ZNF605: variants seen among roughly 807,000 people sequenced by gnomAD.
ZNF605 encodes the protein zinc finger protein 605.
A neutral mutation model predicts 7.9 loss-of-function variants in ZNF605; 9 were observed. The ratio of observed to expected loss-of-function variants is 1.14; its 90% confidence interval spans 0.68 to 1.98. The LOEUF (loss-of-function observed/expected upper bound fraction) is 1.98. Ranked by LOEUF, ZNF605 falls within the 30% of genes most tolerant of loss-of-function variation. The pLI is 0.00. For synonymous variants in ZNF605, 255 were observed against 260.1 expected, an observed-to-expected ratio of 0.98 and a Z score of 0.19; for missense variants, 673 against 762.4, an observed-to-expected ratio of 0.88 and a Z score of 1.38.
chr12:132,939,102 C>T (rs1952402896), intron 3 of ZNF605, among the ~76,000 whole-genome samples: 3 of 151,980 alleles, frequency 2.0e-5, no homozygotes, highest in East Asian at 3.9e-4. Flanking sequence ...TCCACGGCGC[C>T]CAGTCCCATC....
At chr12:132,952,975 C>T (rs1381045233) in intron 1 of ZNF605, among the ~76,000 whole-genome samples, 1 of 152,082 alleles carries the variant, frequency 6.6e-6, no homozygotes, top group Non-Finnish European at 1.5e-5. Flanking sequence ...CACACACACC[C>T]CAGACACAAA....
At position 132,945,768 on chromosome 12, in the gene ZNF605, ATGAAT is replaced by A; in HGVS notation, c.-138_-134del. 1 of 1,312,656 alleles carries A rather than the reference ATGAAT, an allele frequency of 7.6e-7. No individual in the cohort carries two copies. Among genetic ancestry groups the A allele is most frequent in the Non-Finnish European group, 1.1e-6 (1 of 906,866 alleles). 81.3% of individuals were successfully genotyped at this position (1,312,656 alleles called of 1,614,324 possible). A position where few individuals can be genotyped will look rare whatever the true frequency, so the allele number is the denominator to read the frequency against. On this transcript the variant is annotated 5_prime_UTR_variant, in exon 3 of 5. The change creates a new upstream start codon in the 5' untranslated region. Transcript: ENST00000360187. ...TGTGGGCTCTTCTTTCTTATCTCAC[ATGAAT>A]TGTCTTGTTCCAGAGGGCTATTGCC...
chr12:132,955,835 GCC>G (rs1952631084), intron 1 of ZNF605, among the ~76,000 whole-genome samples: 3 of 151,900 alleles, frequency 2.0e-5, no homozygotes, highest in African/African-American at 7.2e-5. Flanking sequence ...CCTCCCAGGG[GCC>G]CCTCTCCCCT....
Position 132,926,889 on chromosome 12 carries a change from T to C in ZNF605, c.410A>G (p.His137Arg), listed in dbSNP as rs1314777352. 1.8e-5 allele frequency: 29 copies of C among 1,614,092 alleles called. No homozygotes were observed. The highest frequency in any genetic ancestry group is 4.4e-5 in the South Asian group (4 of 91,084). ...GCAATCACAGTATTTTATCCCACCA[T>C]GGGTTCTGCCAGGTTTGATACAGAA... is the stretch of plus-strand genomic sequence containing the variant. Reference protein sequence around the residue: ...LLFCIKPGRTHGGIKYCDCST... With the variant: ...LLFCIKPGRTRGGIKYCDCST... The change falls in exon 5 of 5, where the codon CAT becomes CGT. Residue 137 changes from histidine (H) to arginine (R), a missense_variant. Coordinates refer to ENST00000360187, the MANE Select transcript of ZNF605 (RefSeq NM_183238.4).
At chr12:132,939,262 T>C (rs1952405734) in intron 3 of ZNF605, among the ~76,000 whole-genome samples, 2 of 152,290 alleles carry the variant, frequency 1.3e-5, no homozygotes, top group South Asian at 2.1e-4. Flanking sequence ...AGCTCAGGGA[T>C]TGTAAATACA....
In ZNF605 at chr12:132,940,453, C is replaced by T. The variant is rs376079776; in HGVS notation, c.15+5168G>A. On this transcript the variant is annotated intron_variant, in intron 3 of 4. Coordinates refer to ENST00000360187, the MANE Select transcript of ZNF605 (RefSeq NM_183238.4). ...TGGAGGAAAACTGCCCTCCCCACAACGGACGTGGTGTACAGCCAACGTACT... is the reference window on the plus strand; with the variant it reads ...TGGAGGAAAACTGCCCTCCCCACAATGGACGTGGTGTACAGCCAACGTACT... Among the ~76,000 whole-genome samples the T allele has an allele frequency of 1.8e-4, 27 of 152,290 alleles. No individual in the cohort carries two copies. The East Asian group carries it at 4.1e-3, about 23-fold the overall frequency.
In ZNF605 at chr12:132,926,523, C is replaced by T. The variant is rs1311137497; in HGVS notation, c.776G>A (p.Gly259Glu). Residue 259 changes from glycine (G) to glutamate (E), a missense_variant, in exon 5 of 5, where the codon GGA becomes GAA. Coordinates refer to ENST00000360187, the MANE Select transcript of ZNF605 (RefSeq NM_183238.4). ...CTGCGACTTCCTACTGAAGGCTTTT[C>T]CACATTCACTGCATCCATACGGCTT... ...GEKPYGCSEC[G>E]KAFSRKSQLK... 2.5e-6 allele frequency: 4 copies of T among 1,614,192 alleles called. No individual in the cohort carries two copies. The African/African-American group carries it at 5.3e-5, about 22-fold the overall frequency.
In ZNF605 at chr12:132,931,944, GT is replaced by G. The variant is rs1431103390; in HGVS notation, c.136+1090del. 2.6e-5 allele frequency among the ~76,000 whole-genome samples: 4 copies of G among 152,230 alleles called. No individual in the cohort carries two copies. In the East Asian group the frequency reaches 7.7e-4, roughly 29 times the overall value. ...AGGTATTAGGGTTTTGTGTGTGTGT[GT>G]TTTTGTTTTTAGAGACAGGGTCTCA... On this transcript the variant is annotated intron_variant, in intron 4 of 4. Transcript: ENST00000360187.
chr12:132,946,561 A>G (rs1308557644), intron 2 of ZNF605, among the ~76,000 whole-genome samples: 1 of 152,234 alleles, frequency 6.6e-6, no homozygotes, highest in African/African-American at 2.4e-5. Flanking sequence ...GTAACAGCCC[A>G]GCTGCCGGTT....
At chr12:132,944,959 A>C in intron 3 of ZNF605, 2 of 163,650 alleles carry the variant, frequency 1.2e-5, no homozygotes, top group African/African-American at 2.4e-5. Flanking sequence ...GTAACAGGGA[A>C]GGATCCCATT....
At chr12:132,951,606 TACAC>T (rs1189575323) in intron 1 of ZNF605, among the ~76,000 whole-genome samples, 5 of 137,910 alleles carry the variant, frequency 3.6e-5, no homozygotes, top group African/African-American at 1.3e-4. Flanking sequence ...CAGACACAGA[TACAC>T]ACGTTCGTAT....
chr12:132,926,501 C>A lies in ZNF605; in HGVS notation c.798G>T (p.Ser266=). The A allele has an allele frequency of 3.7e-6, 6 of 1,613,978 alleles. No individual in the cohort carries two copies. Among genetic ancestry groups the A allele is most frequent in the Non-Finnish European group, 5.1e-6 (6 of 1,180,000 alleles). Residue 266 remains serine, a synonymous_variant, in exon 5 of 5, where the codon TCG becomes TCT. Transcript: ENST00000360187. ...SECGKAFSRK[S]QLKRHQITHT... ...GCGTTATCTGATGTCTTTTAAGCTG[C>A]GACTTCCTACTGAAGGCTTTTCCAC...
At chr12:132,943,442 CAG>C (rs1412371044) in intron 3 of ZNF605, among the ~76,000 whole-genome samples, 1 of 152,040 alleles carries the variant, frequency 6.6e-6, no homozygotes, top group Non-Finnish European at 1.5e-5. Flanking sequence ...CAGCAGGCCT[CAG>C]GGGAAAACTG....
In ZNF605 at chr12:132,925,457, A is replaced by C. The variant is rs769838219; in HGVS notation, c.1842T>G (p.Asp614Glu). 3.7e-6 allele frequency: 6 copies of C among 1,613,970 alleles called. No homozygotes were observed. In the East Asian group the frequency reaches 8.9e-5, roughly 24 times the overall value. Reference sequence around the variant, plus strand: ...CACACTCATTGCATCCATAGTATTTATCTCCTGTATGAATCCTCTGATGCC... The same window carrying C: ...CACACTCATTGCATCCATAGTATTTCTCTCCTGTATGAATCCTCTGATGCC... ...LMRHQRIHTG[D>E]KYYGCNECGT... Residue 614 changes from aspartate to glutamate, a missense_variant, in exon 5 of 5, where the codon GAT becomes GAG. Transcript: ENST00000360187.
chr12:132,955,399 C>CT (rs1952626126), intron 1 of ZNF605, among the ~76,000 whole-genome samples: 1 of 152,158 alleles, frequency 6.6e-6, no homozygotes, highest in South Asian at 2.1e-4. Context: ...AGGAAAGAAG[C>CT]TTAGCTAAAG....
At chr12:132,929,900 G>A (rs1032538901) in intron 4 of ZNF605, among the ~76,000 whole-genome samples, 1 of 152,162 alleles carries the variant, frequency 6.6e-6, no homozygotes, top group Non-Finnish European at 1.5e-5. Context: ...AGCTGAGATC[G>A]TGCCACTGCA....
chr12:132,927,376 T>G (rs995816038), intron 4 of ZNF605, among the ~76,000 whole-genome samples: 2 of 152,162 alleles, frequency 1.3e-5, no homozygotes, highest in Admixed American at 6.5e-5. Context: ...TGTTTATATA[T>G]ATTTTTTTGA....
rs1566229157 is a variant in ZNF605 at position 132,925,620 on chromosome 12, G to GT, written c.1678dup (p.Thr560AsnfsTer13). 3 of 1,614,130 alleles carry GT rather than the reference G, an allele frequency of 1.9e-6. No individual in the cohort carries two copies. The highest frequency in any genetic ancestry group is 2.2e-5 in the South Asian group (2 of 91,082). ...TTTTGCACAATCGCTGCATCCATAGGTTTTCTCTCCTGTGTGATTTCTTTG... is the reference window on the plus strand; with the variant it reads ...TTTTGCACAATCGCTGCATCCATAGGTTTTTCTCTCCTGTGTGATTTCTTTG... On this transcript the variant is annotated frameshift_variant, in exon 5 of 5. Coordinates refer to ENST00000360187, the MANE Select transcript of ZNF605 (RefSeq NM_183238.4). LOFTEE classifies it low-confidence loss of function (END_TRUNC).
At chr12:132,927,234 A>C in intron 4 of ZNF605, 72 bp from the exon 5 acceptor site, 2 of 1,146,336 alleles carry the variant, frequency 1.7e-6, no homozygotes, top group South Asian at 4.1e-5. Flanking sequence ...AAAGCTTCTG[A>C]AATGGCGCCA....
Sources: allele counts gnomAD v4.1 joint callset (sites outside exome capture counted in the v4.1 genomes callset), GRCh38; gene constraint gnomAD v4.1.1; transcripts MANE v1.5; gene names NCBI Gene and HGNC (gene_info 2026-07-23, HGNC 2026-07-21).